Variants in EXOC4 observed in about 807,000 individuals in gnomAD.
EXOC4 encodes the protein SEC8-like 1.
Under a neutral mutation model 107.2 loss-of-function variants are expected in EXOC4, and 71 were observed. The ratio of observed to expected loss-of-function variants is 0.66; its 90% confidence interval spans 0.55 to 0.81. The LOEUF is 0.81. Ranked by LOEUF, EXOC4 falls within the 30% of genes least tolerant of loss-of-function variation. The probability of loss-of-function intolerance (pLI) is 0.00; values close to 1 mark genes in which losing one functional copy is unlikely to be tolerated. For synonymous variants in EXOC4, 456 were observed against 441.2 expected, an observed-to-expected ratio of 1.03 and a Z score of -0.42; for missense variants, 1,108 against 1,189.6, an observed-to-expected ratio of 0.93 and a Z score of 1.01.
At chr7:133,790,948 A>G (rs1030080799) in intron 10 of EXOC4, among the ~76,000 whole-genome samples, 1 of 152,258 alleles carries the variant, frequency 6.6e-6, no homozygotes, top group African/African-American at 2.4e-5. Context: ...TGTACATTAC[A>G]TCGATTGAAT....
intron 10 of EXOC4, among the ~76,000 whole-genome samples, chr7:133,776,652 A>T (rs1796351488): frequency 6.6e-6 from 1 of 152,172 alleles, no homozygotes; most frequent in South Asian, 2.1e-4. Context: ...TACCCTCTTA[A>T]ATCATCAACA....
the EXOC4 span, among the ~76,000 whole-genome samples, chr7:134,100,746 G>A: frequency 2.3e-5 from 3 of 129,976 alleles, 1 homozygote; most frequent in African/African-American, 7.9e-5. Context: ...GAGATAGAGA[G>A]TATCCTGGCC....
Position 133,896,145 on chromosome 7 carries a change from TA to T in EXOC4, c.1871+411del, listed in dbSNP as rs1799301684. On this transcript the variant is annotated intron_variant, in intron 12 of 17. Transcript: ENST00000253861. The stretch of plus-strand genomic sequence containing the variant: ...TTAATTAAAAATATATTCTTCCTGA[TA>T]TTTAATTTGTAGCATTCCTACTGTC... 5.3e-5 allele frequency among the ~76,000 whole-genome samples: 8 copies of T among 152,344 alleles called. 1 individual carries two copies. The South Asian group carries it at 1.4e-3, about 28-fold the overall frequency.
intron 13 of EXOC4, among the ~76,000 whole-genome samples, chr7:133,927,289 C>G (rs1396559344): frequency 6.6e-6 from 1 of 152,120 alleles, no homozygotes; most frequent in Admixed American, 6.5e-5. Context: ...CTTAGTAGGT[C>G]TTTATACCTC....
intron 10 of EXOC4, among the ~76,000 whole-genome samples, chr7:133,700,988 A>G (rs1284001501): frequency 1.3e-5 from 2 of 152,282 alleles, no homozygotes; most frequent in Non-Finnish European, 2.9e-5. Flanking sequence ...CAAGAAAAAA[A>G]AAATATAATG....
At chr7:133,974,713 A>G (rs892558017) in intron 14 of EXOC4, among the ~76,000 whole-genome samples, 1 of 152,366 alleles carries the variant, frequency 6.6e-6, no homozygotes, top group African/African-American at 2.4e-5. Flanking sequence ...GCAACCTAAA[A>G]TAGTTCAAAA....
chr7:133,803,613 G>C (rs1811273), intron 10 of EXOC4, among the ~76,000 whole-genome samples: 150,288 of 152,302 alleles, frequency 0.99, 74,193 homozygotes, highest in Middle Eastern at 1. Flanking sequence ...GATGCATATT[G>C]TATCATTTTA....
intron 6 of EXOC4, among the ~76,000 whole-genome samples, chr7:133,374,182 T>A (rs528314222): frequency 6.6e-6 from 1 of 152,302 alleles, no homozygotes; most frequent in African/African-American, 2.4e-5. Flanking sequence ...TGCAACCTTA[T>A]TTTGTGTCCT....
At position 133,571,053 on chromosome 7, in the gene EXOC4, A is replaced by G. The variant is rs544787728; in HGVS notation, c.1418-58992A>G. Among the ~76,000 whole-genome samples the G allele has an allele frequency of 2.0e-5, 3 of 152,260 alleles. No individual in the cohort carries two copies. The South Asian group carries it at 6.2e-4, about 32-fold the overall frequency. The stretch of plus-strand genomic sequence containing the variant: ...ACAGTGGAATTTACAATTATTTCAA[A>G]CTCTGCCTTTAAGTAACTTAGAATC... On this transcript the variant is annotated intron_variant, in intron 9 of 17. Transcript: ENST00000253861.
intron 9 of EXOC4, among the ~76,000 whole-genome samples, chr7:133,530,874 G>A (rs1042044715): frequency 6.6e-6 from 1 of 152,184 alleles, no homozygotes; most frequent in African/African-American, 2.4e-5. Context: ...CAAGGCATCT[G>A]TGATGATGGA....
intron 3 of EXOC4, among the ~76,000 whole-genome samples, chr7:133,298,292 T>C (rs1410523484): frequency 6.6e-6 from 1 of 152,100 alleles, no homozygotes; most frequent in Non-Finnish European, 1.5e-5. Context: ...TCTAATGGAT[T>C]TGGGGCTCTT....
rs1800183283 is a variant in EXOC4, at chr7:133,531,628, A to T, written c.1417+51490A>T. Among the ~76,000 whole-genome samples the T allele has an allele frequency of 5.3e-5, 8 of 152,268 alleles. No homozygotes were observed. In the South Asian group the frequency reaches 1.7e-3, roughly 32 times the overall value. ...ACAGTCAGGGTCCAAAGTTAGGAAG[A>T]AAAAAAGACATGAGAAAAGTTCTTC... is the stretch of plus-strand genomic sequence containing the variant. On this transcript the variant is annotated intron_variant, in intron 9 of 17. Coordinates refer to ENST00000253861, the MANE Select transcript of EXOC4 (RefSeq NM_021807.4).
chr7:133,546,805 C>A (rs1416809115), intron 9 of EXOC4, among the ~76,000 whole-genome samples: 2 of 151,978 alleles, frequency 1.3e-5, no homozygotes, highest in Non-Finnish European at 2.9e-5. Flanking sequence ...TTTAAAATTT[C>A]TACATCTTAG....
chr7:133,844,288 G>A (rs1563023517), intron 11 of EXOC4, among the ~76,000 whole-genome samples: 2 of 147,342 alleles, frequency 1.4e-5, no homozygotes, highest in African/African-American at 5.0e-5. Context: ...TCAATTGCCT[G>A]TGTTGAAATC....
intron 7 of EXOC4, among the ~76,000 whole-genome samples, chr7:133,424,830 A>G (rs1034910838): frequency 6.6e-6 from 1 of 152,236 alleles, no homozygotes; most frequent in Admixed American, 6.5e-5. Context: ...AGGGAGATCA[A>G]TAGATGAGAC....
chr7:134,014,414 A>T (rs1158060925), intron 17 of EXOC4, among the ~76,000 whole-genome samples: 2 of 152,218 alleles, frequency 1.3e-5, no homozygotes, highest in African/African-American at 4.8e-5. Context: ...AAAAAAAAGT[A>T]CAAACAACCA....
intron 16 of EXOC4, among the ~76,000 whole-genome samples, chr7:134,006,234 A>G (rs1187384823): frequency 2.0e-5 from 3 of 151,870 alleles, no homozygotes; most frequent in African/African-American, 4.8e-5. Context: ...CTTATTCTCT[A>G]CAAACAGCAT....
intron 1 of EXOC4, among the ~76,000 whole-genome samples, chr7:133,256,964 A>C (rs1345573429): frequency 2.0e-5 from 3 of 152,260 alleles, no homozygotes; most frequent in Admixed American, 2.0e-4. Flanking sequence ...AGTATAGTGT[A>C]ATTGTAATGC....
At chr7:133,649,638 T>C (rs1267838991) in intron 10 of EXOC4, among the ~76,000 whole-genome samples, 1 of 152,106 alleles carries the variant, frequency 6.6e-6, no homozygotes, top group East Asian at 1.9e-4. Flanking sequence ...TCTGTGTCAT[T>C]CCTTTTAAGC....
Sources: allele counts gnomAD v4.1 joint callset (sites outside exome capture counted in the v4.1 genomes callset), GRCh38; gene constraint gnomAD v4.1.1; transcripts MANE v1.5; gene names NCBI Gene and HGNC (gene_info 2026-07-23, HGNC 2026-07-21).